Variants in MYO3A observed in about 807,000 individuals in gnomAD.
The protein encoded by MYO3A is myosin-IIIa.
Under a neutral mutation model 192.7 loss-of-function variants are expected in MYO3A, and 180 were observed. The observed-to-expected ratio is 0.93, with a 90% CI of 0.83 to 1.06. The LOEUF is 1.06. Ranked by LOEUF, MYO3A falls within the 50% of genes least tolerant of loss-of-function variation. The probability of loss-of-function intolerance (pLI) is 0.00; values close to 1 mark genes in which losing one functional copy is unlikely to be tolerated. For missense variants in MYO3A, 1,896 were observed against 1,905.0 expected (o/e 1.00, Z 0.09); for synonymous variants, 628 against 645.3 (o/e 0.97, Z 0.41).
At chr10:26,156,656 A>G (rs1402565935) in intron 25 of MYO3A, among the ~76,000 whole-genome samples, 2 of 152,242 alleles carry the variant, frequency 1.3e-5, no homozygotes, top group South Asian at 2.1e-4. Flanking sequence ...ATTTTAAACT[A>G]AGAGATGATC....
chr10:26,171,988 A>C (rs1184909927), intron 29 of MYO3A, among the ~76,000 whole-genome samples: 1 of 152,228 alleles, frequency 6.6e-6, no homozygotes, highest in African/African-American at 2.4e-5. Context: ...ACTTCAGGGC[A>C]CATGAGTGTG....
At chr10:26,011,442 T>TA (rs202104755) in intron 6 of MYO3A, among the ~76,000 whole-genome samples, 10,276 of 150,850 alleles carry the variant, frequency 0.068, 455 homozygotes, top group African/African-American at 0.13. Flanking sequence ...CTAAAAAAGT[T>TA]TAAAAAAAAA....
At chr10:26,158,689 T>G (rs955769690) in intron 26 of MYO3A, among the ~76,000 whole-genome samples, 1 of 152,226 alleles carries the variant, frequency 6.6e-6, no homozygotes, top group African/African-American at 2.4e-5. Context: ...AATGCCCATA[T>G]TTTTTATATT....
intron 17 of MYO3A, among the ~76,000 whole-genome samples, chr10:26,117,815 A>G (rs1473883753): frequency 6.6e-6 from 1 of 152,022 alleles, no homozygotes; most frequent in Non-Finnish European, 1.5e-5. Context: ...GCATACATGT[A>G]TCTTTATAAT....
chr10:26,069,189 A>T (rs889233585), intron 12 of MYO3A, among the ~76,000 whole-genome samples: 2 of 151,236 alleles, frequency 1.3e-5, no homozygotes, highest in African/African-American at 4.8e-5. Context: ...AAATCTGCTT[A>T]AAAAGGTATG....
chr10:25,984,970 G>A (rs959473890), intron 4 of MYO3A, among the ~76,000 whole-genome samples: 24 of 152,156 alleles, frequency 1.6e-4, no homozygotes, highest in Admixed American at 1.2e-3. Flanking sequence ...GGGCTTGCTG[G>A]CTCATTCCTG....
At chr10:25,988,801 G>A (rs80182082) in intron 4 of MYO3A, among the ~76,000 whole-genome samples, 14,443 of 151,944 alleles carry the variant, frequency 0.095, 1,198 homozygotes, top group African/African-American at 0.22. Context: ...GTGCAAAGAA[G>A]CCAAATATTT....
chr10:25,965,100 C>T (rs1236584656), intron 4 of MYO3A, among the ~76,000 whole-genome samples: 2 of 152,142 alleles, frequency 1.3e-5, no homozygotes, highest in African/African-American at 4.8e-5. Context: ...GTTAAATCTG[C>T]TTGGTGTTCT....
At chr10:26,059,374 TG>T (rs1189210067) in intron 10 of MYO3A, among the ~76,000 whole-genome samples, 1 of 152,240 alleles carries the variant, frequency 6.6e-6, no homozygotes, top group Non-Finnish European at 1.5e-5. Flanking sequence ...GCTCATTTAC[TG>T]GGAGTTTTTA....
chr10:25,934,701 C>CTGAG (rs536358307), intron 1 of MYO3A, among the ~76,000 whole-genome samples: 3 of 145,340 alleles, frequency 2.1e-5, no homozygotes, highest in African/African-American at 7.7e-5. Flanking sequence ...AAGGGTGAAC[C>CTGAG]TGAGGGGTGG....
intron 20 of MYO3A, among the ~76,000 whole-genome samples, chr10:26,141,884 T>G (rs192943068): frequency 5.7e-4 from 87 of 152,346 alleles, no homozygotes; most frequent in African/African-American, 1.9e-3. Flanking sequence ...GTGACACCTT[T>G]GAAATGAAAT....
chr10:25,967,819 A>G (rs1359624744), intron 4 of MYO3A, among the ~76,000 whole-genome samples: 1 of 152,238 alleles, frequency 6.6e-6, no homozygotes, highest in Non-Finnish European at 1.5e-5. Flanking sequence ...CATAAGAATC[A>G]GGTTTAACAG....
Position 26,145,179 on chromosome 10 carries a change from CA to C in MYO3A, c.2417-248del, listed in dbSNP as rs10715590. 0.27 allele frequency among the ~76,000 whole-genome samples: 25,319 copies of C among 94,140 alleles called. 2,119 individuals carry two copies. Among genetic ancestry groups the C allele is most frequent in the East Asian group, 0.4 (1,261 of 3,116 alleles). 61.8% of individuals were successfully genotyped at this position (94,140 alleles called of 152,430 possible). ...GGGCAACAAGAACGAAACTCTGTCT[CA>C]AAAAAAAAAAAAAAAAAACCCTCAA... On this transcript the variant is annotated intron_variant, in intron 21 of 34. Coordinates refer to ENST00000642920, the MANE Select transcript of MYO3A (RefSeq NM_017433.5).
At chr10:25,947,945 T>C (rs1836964130) in intron 2 of MYO3A, among the ~76,000 whole-genome samples, 1 of 152,062 alleles carries the variant, frequency 6.6e-6, no homozygotes, top group Non-Finnish European at 1.5e-5. Context: ...GGAAATTATG[T>C]AGAGTGTTAG....
At chr10:26,036,748 C>G (rs1289739943) in intron 10 of MYO3A, among the ~76,000 whole-genome samples, 3 of 152,198 alleles carry the variant, frequency 2.0e-5, no homozygotes, top group East Asian at 3.8e-4. Context: ...CATACTGTAG[C>G]CCCTGGGGCC....
At chr10:26,117,494 A>G (rs1588984728) in intron 17 of MYO3A, among the ~76,000 whole-genome samples, 2 of 152,152 alleles carry the variant, frequency 1.3e-5, no homozygotes, top group South Asian at 4.2e-4. Context: ...CACACCTCCT[A>G]CTGTCCAACC....
intron 6 of MYO3A, among the ~76,000 whole-genome samples, chr10:26,014,305 C>T (rs368316426): frequency 6.6e-6 from 1 of 151,924 alleles, no homozygotes; most frequent in East Asian, 1.9e-4. Context: ...CTATTTTAAG[C>T]GAAGAGTTGT....
Position 26,120,733 on chromosome 10 carries a change from T to G in MYO3A, c.1834T>G (p.Phe612Val), listed in dbSNP as rs1385193631. The G allele has an allele frequency of 2.5e-6, 4 of 1,613,958 alleles. No individual in the cohort carries two copies. The highest frequency in any genetic ancestry group is 3.4e-6 in the Non-Finnish European group (4 of 1,179,982). Residue 612 changes from phenylalanine (F) to valine (V), a missense_variant, in exon 18 of 35, where the codon TTT becomes GTT. Physicochemically the swap from Phe to Val is conservative, Grantham distance 50. Transcript: ENST00000642920. ...AAILNVGNIE[F>V]SSVATEHQID... Reference sequence around the variant, plus strand: ...AATCTTGAATGTTGGCAACATTGAATTTTCTTCTGTGGCAACTGAACACCA... The same window carrying G: ...AATCTTGAATGTTGGCAACATTGAAGTTTCTTCTGTGGCAACTGAACACCA...
At chr10:26,084,046 C>G (rs1836146698) in intron 14 of MYO3A, among the ~76,000 whole-genome samples, 1 of 152,082 alleles carries the variant, frequency 6.6e-6, no homozygotes. Flanking sequence ...AAGATAATAG[C>G]TATAGAAAGG....
Sources: gnomAD v4.1 joint callset for allele counts (sites outside exome capture counted in the v4.1 genomes callset) on GRCh38, gnomAD v4.1.1 for gene constraint, MANE v1.5 for transcripts, NCBI Gene and HGNC (gene_info 2026-07-23, HGNC 2026-07-21) for gene names.